The following CSMD3 variants were observed in gnomAD, a reference collection of about 807,000 sequenced individuals.
The protein encoded by CSMD3 is CUB and sushi domain-containing protein 3.
Under a neutral mutation model 435.2 loss-of-function variants are expected in CSMD3, and 177 were observed. That is an observed-to-expected ratio of 0.41 (90% confidence interval 0.36 to 0.46). The LOEUF (loss-of-function observed/expected upper bound fraction) is 0.46. Among genes scored for constraint, CSMD3 ranks in the 20% least tolerant of loss-of-function variants. The pLI, the probability that CSMD3 is intolerant of heterozygous loss-of-function variation, is 0.34. For synonymous variants in CSMD3, 1,656 were observed against 1,520.5 expected, an observed-to-expected ratio of 1.09 and a Z score of -2.07; for missense variants, 4,265 against 4,504.6, an observed-to-expected ratio of 0.95 and a Z score of 1.52.
intron 20 of CSMD3, among the ~76,000 whole-genome samples, chr8:112,640,178 T>A (rs1214769812): frequency 2.0e-5 from 3 of 152,034 alleles, no homozygotes; most frequent in Non-Finnish European, 4.4e-5. Context: ...TGTAAAAGAC[T>A]AATGACTTCA....
At chr8:112,258,067 T>C (rs957049678) in intron 61 of CSMD3, among the ~76,000 whole-genome samples, 1 of 152,290 alleles carries the variant, frequency 6.6e-6, no homozygotes, top group African/African-American at 2.4e-5. Context: ...TTGGGAAAAC[T>C]GGTGAGCCAT....
intron 5 of CSMD3, among the ~76,000 whole-genome samples, chr8:113,019,901 C>T (rs1478865237): frequency 1.3e-5 from 2 of 151,968 alleles, no homozygotes; most frequent in African/African-American, 4.8e-5. Context: ...CGGTGGCTCA[C>T]GCCTGTAATC....
chr8:113,360,862 C>T lies in CSMD3; in HGVS notation c.179-46069G>A, dbSNP rs542780850. Among the ~76,000 whole-genome samples the T allele has an allele frequency of 7.9e-5, 12 of 152,150 alleles. No individual in the cohort carries two copies. The East Asian group carries it at 9.7e-4, about 12-fold the overall frequency. On this transcript the variant is annotated intron_variant, in intron 1 of 70. Coordinates refer to ENST00000297405, the MANE Select transcript of CSMD3 (RefSeq NM_198123.2). Reference sequence around the variant, plus strand: ...TGCTGGGATTACAGGCGTGAGCCACCGCGCCCGGCCGTGACTTCAGTCTTA... The same window carrying T: ...TGCTGGGATTACAGGCGTGAGCCACTGCGCCCGGCCGTGACTTCAGTCTTA...
In CSMD3 at chr8:112,233,745, T is replaced by C. The variant is rs546657697; in HGVS notation, c.10740+620A>G. On this transcript the variant is annotated intron_variant, in intron 68 of 70. Coordinates refer to ENST00000297405, the MANE Select transcript of CSMD3 (RefSeq NM_198123.2). ...ATGCTGACTCTTCAGCAAAGACTCC[T>C]GGCCCTTGTGTTTTCCACTGTCAGT... 2.0e-5 allele frequency among the ~76,000 whole-genome samples: 3 copies of C among 152,264 alleles called. No homozygotes were observed. The East Asian group carries it at 5.8e-4, about 29-fold the overall frequency.
At chr8:112,830,882 G>T (rs1417091226) in intron 11 of CSMD3, among the ~76,000 whole-genome samples, 17 of 151,248 alleles carry the variant, frequency 1.1e-4, no homozygotes, top group Admixed American at 9.9e-4. Context: ...CGCCTCCTGG[G>T]TTCATGCCAT....
chr8:112,344,224 C>T (rs1825460046), intron 41 of CSMD3, among the ~76,000 whole-genome samples: 1 of 152,134 alleles, frequency 6.6e-6, no homozygotes, highest in Non-Finnish European at 1.5e-5. Context: ...ATCACTCCCT[C>T]TGTCAAGACT....
chr8:112,389,503 T>TA (rs1484647125), intron 36 of CSMD3, among the ~76,000 whole-genome samples: 5 of 152,182 alleles, frequency 3.3e-5, no homozygotes, highest in African/African-American at 1.2e-4. Flanking sequence ...TGGATGGCCT[T>TA]AAAACTCTGA....
At chr8:112,708,709 C>A (rs1587031114) in intron 13 of CSMD3, among the ~76,000 whole-genome samples, 2 of 114,142 alleles carry the variant, frequency 1.8e-5, no homozygotes, top group Non-Finnish European at 1.8e-5. Context: ...CCACACCAAA[C>A]AGGACGATAG....
intron 4 of CSMD3, among the ~76,000 whole-genome samples, chr8:113,103,181 C>T (rs991231783): frequency 6.6e-6 from 1 of 151,974 alleles, no homozygotes; most frequent in Non-Finnish European, 1.5e-5. Context: ...ATATTTTCAC[C>T]TAAATAGTAA....
At chr8:113,167,582 G>GCAT (rs2092178099) in intron 4 of CSMD3, among the ~76,000 whole-genome samples, 1 of 152,164 alleles carries the variant, frequency 6.6e-6, no homozygotes, top group South Asian at 2.1e-4. Context: ...AGATTAAGGT[G>GCAT]CATGATAGGG....
chr8:112,744,383 A>C (rs1587148801), intron 13 of CSMD3, among the ~76,000 whole-genome samples: 1 of 152,270 alleles, frequency 6.6e-6, no homozygotes, highest in Admixed American at 6.5e-5. Context: ...ATTTGAAATA[A>C]GTAATTGAAA....
intron 13 of CSMD3, among the ~76,000 whole-genome samples, chr8:112,776,332 T>C (rs2078245956): frequency 6.6e-6 from 1 of 151,848 alleles, no homozygotes; most frequent in Non-Finnish European, 1.5e-5. Context: ...TTTTTTATTA[T>C]CTTCATAAAT....
chr8:113,383,479 C>A, intron 1 of CSMD3, among the ~76,000 whole-genome samples: 1 of 151,940 alleles, frequency 6.6e-6, no homozygotes, highest in Admixed American at 6.6e-5. Context: ...AGTTGAGGAG[C>A]CTGGTTGAGT....
At chr8:113,342,833 C>A (rs1199627473) in intron 1 of CSMD3, among the ~76,000 whole-genome samples, 1 of 151,704 alleles carries the variant, frequency 6.6e-6, no homozygotes, top group African/African-American at 2.4e-5. Flanking sequence ...AGGAAGATAA[C>A]AGAATCCAAA....
chr8:113,158,759 T>C (rs977105909), intron 4 of CSMD3, among the ~76,000 whole-genome samples: 4 of 151,998 alleles, frequency 2.6e-5, no homozygotes, highest in Non-Finnish European at 4.4e-5. Context: ...TATGTGTATA[T>C]ATACAGATAT....
intron 13 of CSMD3, among the ~76,000 whole-genome samples, chr8:112,712,073 T>C (rs946281189): frequency 6.6e-6 from 1 of 152,128 alleles, no homozygotes; most frequent in African/African-American, 2.4e-5. Context: ...GTAAAATCTG[T>C]GACACTCTGT....
chr8:112,483,718 T>G (rs1387864929), intron 31 of CSMD3, among the ~76,000 whole-genome samples: 1 of 152,112 alleles, frequency 6.6e-6, no homozygotes, highest in South Asian at 2.1e-4. Flanking sequence ...GAAAATGAAC[T>G]AACCTCATCA....
In CSMD3 at chr8:112,901,012, A is replaced by G. The variant is rs370836786; in HGVS notation, c.1633+20615T>C. 1.6e-4 allele frequency among the ~76,000 whole-genome samples: 24 copies of G among 151,444 alleles called. 1 individual carries two copies. In the East Asian group the frequency reaches 4.1e-3, roughly 26 times the overall value. ...TCAGGTGCACACTGTAGTAATAACCAGTATTAACATTTTTACTGGAGAGAG... is the reference window on the plus strand; with the variant it reads ...TCAGGTGCACACTGTAGTAATAACCGGTATTAACATTTTTACTGGAGAGAG... On this transcript the variant is annotated intron_variant, in intron 10 of 70. Coordinates refer to ENST00000297405, the MANE Select transcript of CSMD3 (RefSeq NM_198123.2).
chr8:113,302,308 A>ATG (rs2093778499), intron 2 of CSMD3, among the ~76,000 whole-genome samples: 3 of 141,518 alleles, frequency 2.1e-5, no homozygotes, highest in Non-Finnish European at 4.5e-5. Flanking sequence ...TAATATATAT[A>ATG]TTATATATAT....
Sources: allele counts gnomAD v4.1 joint callset (sites outside exome capture counted in the v4.1 genomes callset), GRCh38; gene constraint gnomAD v4.1.1; transcripts MANE v1.5; gene names NCBI Gene and HGNC (gene_info 2026-07-23, HGNC 2026-07-21).